The following DSCAM variants were observed in gnomAD, a reference collection of about 807,000 sequenced individuals.
DSCAM encodes the protein cell adhesion molecule DSCAM.
DSCAM carries 47 observed loss-of-function variants against 217.7 expected under a neutral mutation model. The ratio of observed to expected loss-of-function variants is 0.22; its 90% confidence interval spans 0.17 to 0.28. DSCAM has a LOEUF of 0.28. Among genes scored for constraint, DSCAM ranks in the 10% least tolerant of loss-of-function variants. The pLI, the probability that DSCAM is intolerant of heterozygous loss-of-function variation, is 1.00. For missense variants in DSCAM, 2,080 were observed against 2,618.3 expected (o/e 0.79, Z 4.49); for synonymous variants, 1,056 against 1,015.3 (o/e 1.04, Z -0.76).
chr21:40,692,671 A>T, intron 3 of DSCAM, 139 bp downstream of exon 3: 1 of 1,059,378 alleles, frequency 9.4e-7, no homozygotes, highest in Non-Finnish European at 1.3e-6. Context: ...TTTCAGGTTT[A>T]CTTACAAAAT....
chr21:40,167,363 G>T, intron 15 of DSCAM, 75 bp from the exon 16 acceptor site: 1 of 1,319,378 alleles, frequency 7.6e-7, no homozygotes. Flanking sequence ...AGCCAAAGGT[G>T]GTCCCCGAGG....
chr21:40,528,972 C>T (rs1343099506), intron 3 of DSCAM, among the ~76,000 whole-genome samples: 6 of 141,840 alleles, frequency 4.2e-5, no homozygotes, highest in South Asian at 2.3e-4. Context: ...GGTGCAATCT[C>T]GGCTCACTGC....
chr21:40,111,328 G>A (rs2089896686), intron 20 of DSCAM, among the ~76,000 whole-genome samples: 2 of 151,998 alleles, frequency 1.3e-5, no homozygotes, highest in African/African-American at 4.8e-5. Context: ...CTTCATAAGT[G>A]AAGGAGAAAT....
At chr21:40,491,857 A>G (rs1017910019) in intron 3 of DSCAM, among the ~76,000 whole-genome samples, 6 of 152,036 alleles carry the variant, frequency 3.9e-5, no homozygotes, top group Non-Finnish European at 8.8e-5. Flanking sequence ...TTTTGCCCCC[A>G]CTGACTATTG....
chr21:40,724,407 C>G (rs1470685482), intron 1 of DSCAM, among the ~76,000 whole-genome samples: 2 of 152,058 alleles, frequency 1.3e-5, no homozygotes, highest in African/African-American at 2.4e-5. Context: ...TGAAGAAAAT[C>G]AGCAGAAATA....
At chr21:40,481,403 T>C (rs776878899) in intron 3 of DSCAM, among the ~76,000 whole-genome samples, 2 of 151,548 alleles carry the variant, frequency 1.3e-5, no homozygotes, top group Non-Finnish European at 2.9e-5. Flanking sequence ...GGGAGGAGAA[T>C]GGCATGAACC....
At chr21:40,492,402 C>T (rs922175284) in intron 3 of DSCAM, among the ~76,000 whole-genome samples, 3 of 152,060 alleles carry the variant, frequency 2.0e-5, no homozygotes, top group African/African-American at 7.2e-5. Context: ...TCTAAAGGAA[C>T]TAGAAATTTA....
chr21:40,591,703 T>C (rs1172458752), intron 3 of DSCAM, among the ~76,000 whole-genome samples: 1 of 152,250 alleles, frequency 6.6e-6, no homozygotes, highest in Non-Finnish European at 1.5e-5. Context: ...GAAGTGGTCA[T>C]AGTTATAATA....
At chr21:40,151,834 A>G (rs933768673) in intron 16 of DSCAM, among the ~76,000 whole-genome samples, 22 of 152,188 alleles carry the variant, frequency 1.4e-4, no homozygotes, top group African/African-American at 5.1e-4. Flanking sequence ...GCCTACACAG[A>G]AGGATGACAG....
chr21:40,345,819 AAG>A (rs1041069521), intron 6 of DSCAM, among the ~76,000 whole-genome samples: 1 of 152,172 alleles, frequency 6.6e-6, no homozygotes, highest in Non-Finnish European at 1.5e-5. Flanking sequence ...CATCTCTCAG[AAG>A]AGAGAAAAAA....
chr21:40,269,753 G>T (rs1268278996), intron 11 of DSCAM, among the ~76,000 whole-genome samples: 3 of 152,122 alleles, frequency 2.0e-5, no homozygotes, highest in Admixed American at 2.0e-4. Context: ...TTTTCCATCT[G>T]TGTCTGCACC....
At chr21:40,119,777 A>G (rs1344790395) in intron 20 of DSCAM, among the ~76,000 whole-genome samples, 2 of 152,010 alleles carry the variant, frequency 1.3e-5, no homozygotes, top group African/African-American at 4.8e-5. Context: ...GGAGGGAGGA[A>G]CGACGTTTTA....
chr21:40,424,588 A>G lies in DSCAM; in HGVS notation c.509-55343T>C, dbSNP rs146872240. Reference sequence around the variant, plus strand: ...GAGGTGTAAGCTCCAGAACTGTGAGAGAATCAGCTTCTATTGTGGTCATAT... The same window carrying G: ...GAGGTGTAAGCTCCAGAACTGTGAGGGAATCAGCTTCTATTGTGGTCATAT... On this transcript the variant is annotated intron_variant, in intron 3 of 32. Transcript: ENST00000400454. Among the ~76,000 whole-genome samples, 456 of 152,330 alleles carry G rather than the reference A, an allele frequency of 3.0e-3. 1 individual carries two copies. The highest frequency in any genetic ancestry group is 5.5e-3 in the Non-Finnish European group (373 of 68,026).
intron 32 of DSCAM, among the ~76,000 whole-genome samples, chr21:40,031,054 G>C (rs1193622918): frequency 6.6e-6 from 1 of 152,152 alleles, no homozygotes; most frequent in African/African-American, 2.4e-5. Flanking sequence ...GTGTCCTCTT[G>C]TTCCAGAACA....
chr21:40,087,312 C>T, intron 21 of DSCAM, 25 bp from the exon 22 acceptor site: 1 of 1,561,510 alleles, frequency 6.4e-7, no homozygotes, highest in Non-Finnish European at 8.8e-7. Context: ...AAAGTGGAAT[C>T]CTGATTACTC....
intron 11 of DSCAM, among the ~76,000 whole-genome samples, chr21:40,197,736 C>T (rs2091028351): frequency 6.6e-6 from 1 of 152,020 alleles, no homozygotes; most frequent in Non-Finnish European, 1.5e-5. Flanking sequence ...CGTCTCAGAT[C>T]ATTTTCATAT....
intron 32 of DSCAM, among the ~76,000 whole-genome samples, chr21:40,028,769 G>C (rs2088453186): frequency 1.3e-5 from 2 of 152,180 alleles, no homozygotes; most frequent in Admixed American, 6.5e-5. Context: ...CGGTACCTCA[G>C]ATGGAAATGC....
rs116026513 is a variant in DSCAM at position 40,074,835 on chromosome 21, C to G, written c.4888+202G>C. On this transcript the variant is annotated intron_variant, in intron 27 of 32. Coordinates refer to ENST00000400454, the MANE Select transcript of DSCAM (RefSeq NM_001389.5). ...GGTTGGCTTTCACCTGATTTCTGAC[C>G]GAGATAGGAACATTCTTATTGCTCT... Among the ~76,000 whole-genome samples the G allele has an allele frequency of 6.9e-3, 1,058 of 152,252 alleles. 14 individuals carry two copies. The highest frequency in any genetic ancestry group is 0.023 in the African/African-American group (975 of 41,532).
At chr21:40,088,399 C>T (rs1211023619) in intron 21 of DSCAM, among the ~76,000 whole-genome samples, 1 of 152,170 alleles carries the variant, frequency 6.6e-6, no homozygotes, top group African/African-American at 2.4e-5. Context: ...GCAGAGTACC[C>T]AGAGCCAAGT....
Sources: allele counts gnomAD v4.1 joint callset (sites outside exome capture counted in the v4.1 genomes callset), GRCh38; gene constraint gnomAD v4.1.1; transcripts MANE v1.5; gene names NCBI Gene and HGNC (gene_info 2026-07-23, HGNC 2026-07-21).